TRIO: variants seen among roughly 807,000 people sequenced by gnomAD.
TRIO encodes the protein triple functional domain protein.
Under a neutral mutation model 351.9 loss-of-function variants are expected in TRIO, and 58 were observed. The observed-to-expected ratio is 0.16, with a 90% CI of 0.13 to 0.21. TRIO has a LOEUF of 0.21. TRIO is among the 10% of genes least tolerant of loss of function. The pLI, the probability that TRIO is intolerant of heterozygous loss-of-function variation, is 1.00. For missense variants in TRIO, 3,201 were observed against 4,027.8 expected (o/e 0.79, Z 5.56); for synonymous variants, 1,758 against 1,595.7 (o/e 1.10, Z -2.42).
chr5:14,417,904 C>G (rs1048783054), intron 33 of TRIO, among the ~76,000 whole-genome samples: 1 of 152,240 alleles, frequency 6.6e-6, no homozygotes, highest in African/African-American at 2.4e-5. Context: ...GAGACCCACT[C>G]CTAACAGCTT....
At chr5:14,437,546 T>G (rs1356993332) in intron 34 of TRIO, among the ~76,000 whole-genome samples, 1 of 152,114 alleles carries the variant, frequency 6.6e-6, no homozygotes, top group Non-Finnish European at 1.5e-5. Context: ...AGACTGAGAG[T>G]TAGAGATCAG....
At position 14,485,055 on chromosome 5, in the gene TRIO, T is replaced by G. The variant is rs1269483994; in HGVS notation, c.6658-14T>G. 6.5e-6 allele frequency: 10 copies of G among 1,527,406 alleles called. No homozygotes were observed. Among genetic ancestry groups the G allele is most frequent in the African/African-American group, 2.8e-5 (2 of 71,632 alleles). 94.6% of individuals were successfully genotyped at this position (1,527,406 alleles called of 1,614,324 possible). A position where few individuals can be genotyped will look rare whatever the true frequency, so the allele number is the denominator to read the frequency against. ...CCTGTTAGCTATTATGAATAATGTTTTTTTTTTTTTAAGGTGAGTTGCCTT... is the reference window on the plus strand; with the variant it reads ...CCTGTTAGCTATTATGAATAATGTTGTTTTTTTTTTAAGGTGAGTTGCCTT... On this transcript the variant is annotated splice_polypyrimidine_tract_variant and intron_variant, in intron 46 of 56. Transcript: ENST00000344204.
chr5:14,170,571 A>G (rs144980243), intron 1 of TRIO, among the ~76,000 whole-genome samples: 2,338 of 148,886 alleles, frequency 0.016, 29 homozygotes, highest in Middle Eastern at 0.038. Flanking sequence ...CAGTGGTGCA[A>G]TCTTGGCTCA....
intron 34 of TRIO, among the ~76,000 whole-genome samples, chr5:14,428,466 C>T (rs879520075): frequency 6.6e-6 from 1 of 152,018 alleles, no homozygotes; most frequent in Non-Finnish European, 1.5e-5. Flanking sequence ...GGAAGAAAGA[C>T]CAAAGAACAT....
chr5:14,323,013 T>C (rs1740026833), intron 9 of TRIO, among the ~76,000 whole-genome samples: 1 of 152,088 alleles, frequency 6.6e-6, no homozygotes, highest in East Asian at 1.9e-4. Context: ...CCAGCCATCA[T>C]AGGAACCACA....
intron 1 of TRIO, among the ~76,000 whole-genome samples, chr5:14,264,366 C>G (rs1211351982): frequency 6.6e-6 from 1 of 151,998 alleles, no homozygotes; most frequent in East Asian, 1.9e-4. Flanking sequence ...GTAAATTAGC[C>G]AGTCCAACAG....
chr5:14,415,708 T>C (rs1350480151), intron 33 of TRIO, among the ~76,000 whole-genome samples: 3 of 152,252 alleles, frequency 2.0e-5, no homozygotes, highest in Non-Finnish European at 4.4e-5. Context: ...TCAGTCATTT[T>C]GGAAAGAATT....
intron 11 of TRIO, among the ~76,000 whole-genome samples, chr5:14,344,287 G>A (rs1254201112): frequency 1.3e-5 from 2 of 152,110 alleles, no homozygotes; most frequent in Non-Finnish European, 2.9e-5. Flanking sequence ...CATAGACTGC[G>A]GTATCTAGCG....
chr5:14,340,215 T>C (rs1294684307), intron 11 of TRIO, among the ~76,000 whole-genome samples: 1 of 151,964 alleles, frequency 6.6e-6, no homozygotes, highest in Non-Finnish European at 1.5e-5. Context: ...TAACACACGG[T>C]GAAACCCCGT....
intron 33 of TRIO, among the ~76,000 whole-genome samples, chr5:14,416,818 G>A (rs1749683132): frequency 6.6e-6 from 1 of 152,060 alleles, no homozygotes; most frequent in Non-Finnish European, 1.5e-5. Context: ...GAATGAGGCA[G>A]CCAGAGGGCA....
At chr5:14,163,790 T>G (rs894253913) in intron 1 of TRIO, among the ~76,000 whole-genome samples, 1 of 152,256 alleles carries the variant, frequency 6.6e-6, no homozygotes, top group Non-Finnish European at 1.5e-5. Context: ...TTTAAAGTAC[T>G]TGTAGTTAGA....
At chr5:14,287,642 A>G (rs1459528446) in intron 4 of TRIO, among the ~76,000 whole-genome samples, 1 of 152,026 alleles carries the variant, frequency 6.6e-6, no homozygotes, top group Non-Finnish European at 1.5e-5. Flanking sequence ...CCCACTAATT[A>G]TTTTGCTTCC....
intron 15 of TRIO, 96 bp from the exon 16 acceptor site, chr5:14,366,764 A>C: frequency 6.5e-7 from 1 of 1,539,258 alleles, no homozygotes; most frequent in Non-Finnish European, 8.8e-7. Context: ...TGCCAGGAGC[A>C]ACTGGACTAT....
In TRIO at chr5:14,398,764, T is replaced by C. The variant is rs1164776212; in HGVS notation, c.4424-116T>C. 6.1e-6 allele frequency: 6 copies of C among 981,212 alleles called. No individual in the cohort carries two copies. In the East Asian group the frequency reaches 1.0e-4, roughly 17 times the overall value. 60.8% of individuals were successfully genotyped at this position (981,212 alleles called of 1,614,324 possible). ...GTCAGGATCAGATGGGAAACTCTTA[T>C]CTAGGGTTGGCCGATGGGCATTTTT... On this transcript the variant is annotated intron_variant, in intron 29 of 56. Transcript: ENST00000344204.
chr5:14,481,674 T>C, intron 45 of TRIO, 56 bp downstream of exon 45: 1 of 1,582,302 alleles, frequency 6.3e-7, no homozygotes, highest in Non-Finnish European at 8.7e-7. Flanking sequence ...CTTTCTTTTG[T>C]CTTGGATTAT....
intron 1 of TRIO, among the ~76,000 whole-genome samples, chr5:14,172,701 A>T (rs1789171694): frequency 6.6e-6 from 1 of 152,244 alleles, no homozygotes; most frequent in Admixed American, 6.5e-5. Context: ...TTTCAAGACC[A>T]TTGGATTCAG....
At chr5:14,415,928 T>A (rs1749606476) in intron 33 of TRIO, among the ~76,000 whole-genome samples, 1 of 151,968 alleles carries the variant, frequency 6.6e-6, no homozygotes, top group African/African-American at 2.4e-5. Flanking sequence ...TCTTCTGATA[T>A]GAATCTCGCA....
chr5:14,304,378 A>C, intron 7 of TRIO, 83 bp from the exon 8 acceptor site: 1 of 1,437,990 alleles, frequency 7.0e-7, no homozygotes, highest in Non-Finnish European at 9.4e-7. Flanking sequence ...CAAGTCCCCT[A>C]ATTTTCAAAA....
intron 49 of TRIO, among the ~76,000 whole-genome samples, chr5:14,495,765 G>A (rs1756850215): frequency 6.7e-6 from 1 of 149,690 alleles, no homozygotes; most frequent in Non-Finnish European, 1.5e-5. Context: ...TCAAGAGATC[G>A]AGACCATCCT....
Sources: gnomAD v4.1 joint callset for allele counts (sites outside exome capture counted in the v4.1 genomes callset) on GRCh38, gnomAD v4.1.1 for gene constraint, MANE v1.5 for transcripts, NCBI Gene and HGNC (gene_info 2026-07-23, HGNC 2026-07-21) for gene names.